Variants in PAX7 observed in about 807,000 individuals in gnomAD.
PAX7 encodes paired box 7.
Under a neutral mutation model 50.7 loss-of-function variants are expected in PAX7, and 18 were observed. The ratio of observed to expected loss-of-function variants is 0.36; its 90% CI spans 0.25 to 0.53. The LOEUF is 0.53. Ranked by LOEUF, PAX7 falls within the 20% of genes least tolerant of loss-of-function variation. The pLI, the probability that PAX7 is intolerant of heterozygous loss-of-function variation, is 0.93. For missense variants in PAX7, 644 were observed against 702.9 expected (o/e 0.92, Z 0.95); for synonymous variants, 310 against 290.4 (o/e 1.07, Z -0.69).
intron 3 of PAX7, among the ~76,000 whole-genome samples, chr1:18,635,617 C>A (rs188416313): frequency 7.9e-5 from 12 of 152,046 alleles, no homozygotes; most frequent in South Asian, 2.1e-4. Flanking sequence ...GATAAGAGAG[C>A]CCCCCTGGAG....
Position 18,691,881 on chromosome 1 carries a change from G to A in PAX7, c.714G>A (p.Arg238=), listed in dbSNP as rs748951612. The A allele has an allele frequency of 1.2e-6, 2 of 1,614,036 alleles. No individual in the cohort carries two copies. The highest frequency in any genetic ancestry group is 1.7e-4 in the Middle Eastern group (1 of 6,060). The change falls in exon 5 of 9, where the codon AGG becomes AGA. Residue 238 remains arginine (R), a synonymous_variant. Coordinates refer to ENST00000420770, the MANE Select transcript of PAX7 (RefSeq NM_001135254.2). ...QLEELEKAFE[R]THYPDIYTRE... ...AGGAGCTGGAGAAGGCCTTTGAGAG[G>A]ACCCACTACCCAGACATATACACCC... is the stretch of plus-strand genomic sequence containing the variant.
intron 8 of PAX7, among the ~76,000 whole-genome samples, chr1:18,743,604 G>A (rs187580002): frequency 2.6e-5 from 4 of 152,362 alleles, no homozygotes; most frequent in Admixed American, 2.0e-4. Flanking sequence ...CACAGCCACA[G>A]ATCCCAGCTT....
chr1:18,647,342 C>T (rs561942575), intron 4 of PAX7, among the ~76,000 whole-genome samples: 1 of 152,302 alleles, frequency 6.6e-6, no homozygotes, highest in South Asian at 2.1e-4. Context: ...GGGCACGCGG[C>T]TCTGTGGCTC....
chr1:18,634,357 A>G lies in PAX7; in HGVS notation c.140A>G (p.Asn47Ser). ...RVNQLGGVFI[N>S]GRPLPNHIRH... ...AATCAGCTGGGAGGGGTCTTCATCAATGGGCGACCCCTGCCTAACCACATC... is the reference window on the plus strand; with the variant it reads ...AATCAGCTGGGAGGGGTCTTCATCAGTGGGCGACCCCTGCCTAACCACATC... Residue 47 changes from asparagine (N) to serine (S), a missense_variant, in exon 2 of 9, where the codon AAT (asparagine) becomes AGT (serine). By Grantham distance (46) the Asn-to-Ser change is conservative. Transcript: ENST00000420770. The surrounding 1 kb of genome is among the most constrained non-coding windows in gnomAD (Gnocchi z 4.0). 6.2e-7 allele frequency: 1 copy of G among 1,613,970 alleles called. No individual in the cohort carries two copies. The highest frequency in any genetic ancestry group is 8.5e-7 in the Non-Finnish European group (1 of 1,180,018).
Position 18,716,719 on chromosome 1 carries a change from C to T in PAX7, c.1155+13423C>T, listed in dbSNP as rs147228239. Reference sequence around the variant, plus strand: ...AAACCCTCATTTCCCTCTTTGCCTGCCTCCTCCCATAGCTGGCCTCGCCTC... The same window carrying T: ...AAACCCTCATTTCCCTCTTTGCCTGTCTCCTCCCATAGCTGGCCTCGCCTC... On this transcript the variant is annotated intron_variant, in intron 7 of 8. Transcript: ENST00000420770. Among the ~76,000 whole-genome samples, 517 of 152,028 alleles carry T rather than the reference C, an allele frequency of 3.4e-3. 4 individuals carry two copies. The highest frequency in any genetic ancestry group is 0.012 in the African/African-American group (496 of 41,470).
At chr1:18,668,060 C>G (rs880810) in intron 4 of PAX7, among the ~76,000 whole-genome samples, 14,260 of 152,116 alleles carry the variant, frequency 0.094, 735 homozygotes, top group East Asian at 0.13. Context: ...TCAGCCTTGG[C>G]TGCACACGAG....
At chr1:18,648,262 G>T (rs957993023) in intron 4 of PAX7, among the ~76,000 whole-genome samples, 2 of 151,464 alleles carry the variant, frequency 1.3e-5, no homozygotes. Context: ...CAGAAAAGGG[G>T]CCCTGACTCC....
intron 7 of PAX7, among the ~76,000 whole-genome samples, chr1:18,718,232 G>A (rs1024106467): frequency 6.6e-6 from 1 of 152,182 alleles, no homozygotes; most frequent in African/African-American, 2.4e-5. Context: ...GGGATGGAAG[G>A]GGTAACTTTG....
At chr1:18,717,648 C>CTAAT (rs2100360792) in intron 7 of PAX7, among the ~76,000 whole-genome samples, 1 of 152,320 alleles carries the variant, frequency 6.6e-6, no homozygotes, top group African/African-American at 2.4e-5. Flanking sequence ...CTCTCTCCCT[C>CTAAT]TAATGCAAGG....
chr1:18,737,879 C>T lies in PAX7; in HGVS notation c.1402+2001C>T, dbSNP rs567515761. Among the ~76,000 whole-genome samples the T allele has an allele frequency of 3.9e-5, 6 of 152,258 alleles. No homozygotes were observed. The East Asian group carries it at 5.8e-4, about 15-fold the overall frequency. On this transcript the variant is annotated intron_variant, in intron 8 of 8. Transcript: ENST00000420770. ...TAGATAGGTATAATGAATATGTATG[C>T]GTGTGTATAGATGTATATGAGTGTG...
chr1:18,742,649 A>G (rs1380211546), intron 8 of PAX7, among the ~76,000 whole-genome samples: 1 of 152,176 alleles, frequency 6.6e-6, no homozygotes, highest in Non-Finnish European at 1.5e-5. Context: ...ACCAACTGGG[A>G]GCCTGGAGGC....
In PAX7 at chr1:18,707,410, TC is replaced by T. The variant is rs376390681; in HGVS notation, c.1155+4115del. Among the ~76,000 whole-genome samples the T allele has an allele frequency of 7.2e-3, 714 of 98,622 alleles. 5 individuals carry two copies. The highest frequency in any genetic ancestry group is 0.021 in the African/African-American group (602 of 28,066). 64.7% of individuals were successfully genotyped at this position (98,622 alleles called of 152,430 possible). A position where few individuals can be genotyped will look rare whatever the true frequency, so the allele number is the denominator to read the frequency against. On this transcript the variant is annotated intron_variant, in intron 7 of 8. Transcript: ENST00000420770. ...TTCCTTTTCTTTCCTTTTCTTTTTTTCTTTCTTTTTTTTTTTTTTTTTTTTT... is the reference window on the plus strand; with the variant it reads ...TTCCTTTTCTTTCCTTTTCTTTTTTTTTTCTTTTTTTTTTTTTTTTTTTTT...
At chr1:18,664,989 G>A (rs2088648106) in intron 4 of PAX7, among the ~76,000 whole-genome samples, 3 of 152,248 alleles carry the variant, frequency 2.0e-5, no homozygotes, top group Non-Finnish European at 2.9e-5. Flanking sequence ...CTGGACCCAA[G>A]CTCCAGTCCT....
At chr1:18,658,199 C>T (rs1057053581) in intron 4 of PAX7, among the ~76,000 whole-genome samples, 6 of 152,040 alleles carry the variant, frequency 3.9e-5, no homozygotes, top group African/African-American at 1.5e-4. Context: ...CTTAAATACA[C>T]CCTTCTCCTC....
intron 7 of PAX7, among the ~76,000 whole-genome samples, chr1:18,734,755 A>G (rs2089690440): frequency 6.6e-6 from 1 of 151,968 alleles, no homozygotes; most frequent in Admixed American, 6.5e-5. Context: ...CTCTCCCCCG[A>G]CCGAGGGCAG....
intron 4 of PAX7, among the ~76,000 whole-genome samples, chr1:18,675,271 G>A (rs1474879352): frequency 1.3e-5 from 2 of 152,178 alleles, no homozygotes; most frequent in Non-Finnish European, 2.9e-5. Flanking sequence ...AAAGCCGAAA[G>A]TGTCCAATAG....
chr1:18,716,582 A>C (rs1225707783), intron 7 of PAX7, among the ~76,000 whole-genome samples: 13 of 131,156 alleles, frequency 9.9e-5, no homozygotes, highest in Admixed American at 1.5e-4. Context: ...TTCGCGCCCC[A>C]TTTCCCTTCG....
At chr1:18,701,693 C>A (rs141028443) in intron 6 of PAX7, among the ~76,000 whole-genome samples, 20 of 152,306 alleles carry the variant, frequency 1.3e-4, no homozygotes, top group East Asian at 3.9e-4. Flanking sequence ...GGATTCCCCC[C>A]ACTCTGGGGT....
At chr1:18,652,109 G>A (rs11587102) in intron 4 of PAX7, among the ~76,000 whole-genome samples, 267 of 152,060 alleles carry the variant, frequency 1.8e-3, no homozygotes, top group Non-Finnish European at 3.2e-3. Flanking sequence ...CGGAAAGGCT[G>A]GGCCGGCTGG....
Sources: gnomAD v4.1 joint callset for allele counts (sites outside exome capture counted in the v4.1 genomes callset) on GRCh38, gnomAD v4.1.1 for gene constraint, Gnocchi (gnomAD v3.1) non-coding constraint, MANE v1.5 for transcripts, NCBI Gene and HGNC (gene_info 2026-07-23, HGNC 2026-07-21) for gene names.